The following RIT2 variants were observed in gnomAD, a reference collection of about 807,000 sequenced individuals.
RIT2 encodes the protein Ras like without CAAX 2.
In RIT2, 24 loss-of-function variants were observed where a neutral mutation model predicts 23.7. The ratio of observed to expected loss-of-function variants is 1.01; its 90% CI spans 0.73 to 1.43. The LOEUF is 1.43. RIT2 is among the 40% of genes most tolerant of loss of function. RIT2 has a pLI of 0.00. For synonymous variants in RIT2, 107 were observed against 91.1 expected (o/e 1.17, Z -0.99); for missense variants, 236 against 266.9 (o/e 0.88, Z 0.81).
intron 4 of RIT2, among the ~76,000 whole-genome samples, chr18:42,806,464 G>A (rs1325067753): frequency 2.0e-5 from 3 of 151,348 alleles, no homozygotes; most frequent in Non-Finnish European, 4.4e-5. Context: ...AGTGAGACTC[G>A]GTCTCAAAAA....
At chr18:42,772,300 T>G (rs1261401823) in intron 4 of RIT2, among the ~76,000 whole-genome samples, 1 of 152,144 alleles carries the variant, frequency 6.6e-6, no homozygotes, top group Non-Finnish European at 1.5e-5. Context: ...ACTTGCTCAC[T>G]GTTCTCAATG....
chr18:42,919,864 A>G (rs374222928), intron 4 of RIT2, among the ~76,000 whole-genome samples: 1 of 152,100 alleles, frequency 6.6e-6, no homozygotes, highest in Non-Finnish European at 1.5e-5. Context: ...ATCTCCTTCT[A>G]TTCTCCAGTG....
intron 1 of RIT2, among the ~76,000 whole-genome samples, chr18:43,114,073 C>G (rs1015479778): frequency 2.0e-4 from 31 of 152,108 alleles, no homozygotes; most frequent in Admixed American, 1.9e-3. Flanking sequence ...CCTTCCTTCT[C>G]AAATCATTAT....
At chr18:42,879,731 A>G (rs1379355417) in intron 4 of RIT2, among the ~76,000 whole-genome samples, 1 of 152,054 alleles carries the variant, frequency 6.6e-6, no homozygotes, top group African/African-American at 2.4e-5. Flanking sequence ...ATGATAGGTC[A>G]CCCAATATTG....
chr18:43,105,488 G>GACA lies in RIT2; in HGVS notation c.103+9928_103+9929insTGT, dbSNP rs879445292. ...AGGGAGGAAGAGAGGAAGGGAGGAAGGGAGGAAGAAAGGGAGGGAGGGAGG... is the reference window on the plus strand; with the variant it reads ...AGGGAGGAAGAGAGGAAGGGAGGAAGACAGGAGGAAGAAAGGGAGGGAGGGAGG... On this transcript the variant is annotated intron_variant, in intron 1 of 4. Transcript: ENST00000326695. 4.9e-4 allele frequency among the ~76,000 whole-genome samples: 68 copies of GACA among 137,456 alleles called. No individual in the cohort carries two copies. The East Asian group carries it at 0.012, about 24-fold the overall frequency. 90.2% of individuals were successfully genotyped at this position (137,456 alleles called of 152,430 possible).
chr18:43,050,889 G>A (rs931270676), intron 1 of RIT2, among the ~76,000 whole-genome samples: 9 of 152,110 alleles, frequency 5.9e-5, no homozygotes, highest in African/African-American at 2.2e-4. Flanking sequence ...TGCCCTACGT[G>A]TCTCTTCATT....
intron 4 of RIT2, among the ~76,000 whole-genome samples, chr18:42,771,646 T>C (rs1913553756): frequency 6.6e-6 from 1 of 152,204 alleles, no homozygotes; most frequent in African/African-American, 2.4e-5. Context: ...TAAGACAGCC[T>C]CATCTTTAGT....
intron 4 of RIT2, among the ~76,000 whole-genome samples, chr18:42,881,921 G>C (rs59815566): frequency 1.3e-5 from 2 of 152,140 alleles, no homozygotes; most frequent in African/African-American, 4.8e-5. Flanking sequence ...TGTCATCTCA[G>C]GCATACAGGC....
At chr18:42,813,668 G>C (rs766035329) in intron 4 of RIT2, among the ~76,000 whole-genome samples, 9 of 152,104 alleles carry the variant, frequency 5.9e-5, no homozygotes, top group Non-Finnish European at 1.3e-4. Flanking sequence ...TAACCTTCTG[G>C]TGAAAGTTAG....
intron 4 of RIT2, among the ~76,000 whole-genome samples, chr18:42,920,990 G>A (rs533163728): frequency 6.6e-6 from 1 of 151,696 alleles, no homozygotes; most frequent in Non-Finnish European, 1.5e-5. Flanking sequence ...TTCAGATACT[G>A]ATGAACAAAA....
rs1318150286 is a variant in RIT2 at position 42,900,340 on chromosome 18, G to T, written c.426+23232C>A. On this transcript the variant is annotated intron_variant, in intron 4 of 4. Coordinates refer to ENST00000326695, the MANE Select transcript of RIT2 (RefSeq NM_002930.4). ...GGCTTTTCAGAAAACCTACCTTAGAGTCAGGAATCTAAATGAAAAGTCAGG... is the reference window on the plus strand; with the variant it reads ...GGCTTTTCAGAAAACCTACCTTAGATTCAGGAATCTAAATGAAAAGTCAGG... Among the ~76,000 whole-genome samples the T allele has an allele frequency of 3.3e-5, 5 of 152,136 alleles. No individual in the cohort carries two copies. In the East Asian group the frequency reaches 9.6e-4, roughly 29 times the overall value.
At chr18:43,022,823 G>T (rs1044270904) in intron 2 of RIT2, among the ~76,000 whole-genome samples, 2 of 152,018 alleles carry the variant, frequency 1.3e-5, no homozygotes, top group African/African-American at 2.4e-5. Context: ...CAACCAGAAG[G>T]AGTGAGAATT....
intron 4 of RIT2, among the ~76,000 whole-genome samples, chr18:42,819,747 G>C (rs896207778): frequency 4.1e-4 from 62 of 152,078 alleles, no homozygotes; most frequent in African/African-American, 1.4e-3. Flanking sequence ...ATGCATTCAA[G>C]TCAGCAGAGA....
At chr18:43,047,534 T>C (rs1912276804) in intron 1 of RIT2, among the ~76,000 whole-genome samples, 1 of 152,142 alleles carries the variant, frequency 6.6e-6, no homozygotes, top group Non-Finnish European at 1.5e-5. Flanking sequence ...TTAAATGTAA[T>C]GCTTGCATTT....
chr18:42,918,348 T>C (rs1481390103), intron 4 of RIT2, among the ~76,000 whole-genome samples: 1 of 152,170 alleles, frequency 6.6e-6, no homozygotes, highest in South Asian at 2.1e-4. Flanking sequence ...TCTGTCTCAA[T>C]TGGAGTTAAT....
intron 4 of RIT2, among the ~76,000 whole-genome samples, chr18:42,770,471 C>T (rs1913525262): frequency 6.6e-6 from 1 of 152,124 alleles, no homozygotes; most frequent in African/African-American, 2.4e-5. Flanking sequence ...TTGGCATGAG[C>T]CTCATTCTAG....
intron 4 of RIT2, among the ~76,000 whole-genome samples, chr18:42,855,074 G>A (rs895734993): frequency 2.0e-5 from 3 of 152,138 alleles, no homozygotes; most frequent in East Asian, 3.9e-4. Flanking sequence ...TAAATCAGGT[G>A]GGAAATCAGT....
chr18:43,099,334 G>A (rs1179406167), intron 1 of RIT2, among the ~76,000 whole-genome samples: 1 of 151,746 alleles, frequency 6.6e-6, no homozygotes, highest in African/African-American at 2.4e-5. Context: ...TGATCTATAA[G>A]CAAGTTTTTA....
intron 1 of RIT2, 72 bp from the exon 2 acceptor site, chr18:43,033,939 T>C: frequency 2.0e-6 from 2 of 1,001,142 alleles, no homozygotes; most frequent in Non-Finnish European, 3.1e-6. Context: ...ACCAACATAG[T>C]CCACCAATCT....
Sources: allele counts gnomAD v4.1 joint callset (sites outside exome capture counted in the v4.1 genomes callset), GRCh38; gene constraint gnomAD v4.1.1; transcripts MANE v1.5; gene names NCBI Gene and HGNC (gene_info 2026-07-23, HGNC 2026-07-21).